Variants in EYA3 observed in about 807,000 individuals in gnomAD.
EYA3 encodes the protein protein phosphatase EYA3.
A neutral mutation model predicts 80.0 loss-of-function variants in EYA3; 39 were observed. The ratio of observed to expected loss-of-function variants is 0.49; its 90% CI spans 0.38 to 0.64. The LOEUF (loss-of-function observed/expected upper bound fraction) is 0.64. Ranked by LOEUF, EYA3 falls within the 30% of genes least tolerant of loss-of-function variation. EYA3 has a pLI of 0.00. For missense variants in EYA3, 523 were observed against 676.1 expected (o/e 0.77, Z 2.51); for synonymous variants, 206 against 232.8 (o/e 0.88, Z 1.05).
At chr1:28,085,183 G>A (rs1239068753) in intron 1 of EYA3, among the ~76,000 whole-genome samples, 1 of 152,118 alleles carries the variant, frequency 6.6e-6, no homozygotes, top group African/African-American at 2.4e-5. Context: ...GTGGGTGGTG[G>A]CTCACACCTT....
intron 1 of EYA3, among the ~76,000 whole-genome samples, chr1:28,064,160 TTTAG>T (rs1416795148): frequency 1.3e-5 from 2 of 152,178 alleles, no homozygotes; most frequent in East Asian, 3.8e-4. Flanking sequence ...TGCATTTATT[TTTAG>T]TTATACATTT....
At chr1:28,078,695 C>G (rs113634688) in intron 1 of EYA3, among the ~76,000 whole-genome samples, 351 of 152,266 alleles carry the variant, frequency 2.3e-3, no homozygotes, top group African/African-American at 5.9e-3. Flanking sequence ...TAGGCATGCA[C>G]CACCATGCCC....
intron 6 of EYA3, among the ~76,000 whole-genome samples, chr1:28,032,811 G>A (rs1643224385): frequency 1.3e-5 from 2 of 152,118 alleles, no homozygotes; most frequent in African/African-American, 2.4e-5. Flanking sequence ...AGAGGAGGAA[G>A]CTTTTTAATT....
At chr1:28,019,794 C>A (rs1345941641) in intron 7 of EYA3, among the ~76,000 whole-genome samples, 2 of 152,174 alleles carry the variant, frequency 1.3e-5, no homozygotes, top group South Asian at 4.2e-4. Flanking sequence ...CTCCGCCTCC[C>A]GGGTTCAAGA....
chr1:28,051,840 C>T (rs1644262252), intron 2 of EYA3, among the ~76,000 whole-genome samples: 1 of 151,958 alleles, frequency 6.6e-6, no homozygotes, highest in Admixed American at 6.6e-5. Flanking sequence ...GTAATACTCC[C>T]CAAATTGGTC....
At chr1:28,040,230 T>A (rs1557604044) in intron 4 of EYA3, among the ~76,000 whole-genome samples, 2 of 152,160 alleles carry the variant, frequency 1.3e-5, no homozygotes, top group Non-Finnish European at 2.9e-5. Flanking sequence ...ATTCTGAAGG[T>A]AAAACTAACA....
chr1:28,015,815 C>A (rs753405406), intron 8 of EYA3, among the ~76,000 whole-genome samples: 2 of 152,054 alleles, frequency 1.3e-5, no homozygotes, highest in Non-Finnish European at 2.9e-5. Flanking sequence ...TGGAAGATAT[C>A]TGGTCTGGTT....
chr1:28,033,668 TA>T (rs34617430), intron 6 of EYA3, among the ~76,000 whole-genome samples: 1,805 of 149,078 alleles, frequency 0.012, 36 homozygotes, highest in Middle Eastern at 0.045. Context: ...TTATTATTAT[TA>T]TTTTTGAGAC....
Position 28,086,240 on chromosome 1 carries a change from G to C in EYA3, c.-69+2284C>G, listed in dbSNP as rs537760864. On this transcript the variant is annotated intron_variant, in intron 1 of 17. Coordinates refer to ENST00000373871, the MANE Select transcript of EYA3 (RefSeq NM_001990.4). ...TGTAATTTCTTTTTTTTTTTTAAGA[G>C]AGTCTCACTCTGTTGCCTTGTGGAG... is the stretch of plus-strand genomic sequence containing the variant. Among the ~76,000 whole-genome samples, 5 of 149,416 alleles carry C rather than the reference G, an allele frequency of 3.3e-5. No individual in the cohort carries two copies. The East Asian group carries it at 9.8e-4, about 29-fold the overall frequency.
intron 8 of EYA3, among the ~76,000 whole-genome samples, chr1:28,014,526 G>A (rs777977078): frequency 2.7e-5 from 4 of 148,840 alleles, no homozygotes; most frequent in Non-Finnish European, 5.9e-5. Flanking sequence ...TCAGGAGTTT[G>A]AGACCAGCCT....
intron 5 of EYA3, among the ~76,000 whole-genome samples, chr1:28,036,899 A>C (rs1643487359): frequency 6.6e-6 from 1 of 152,156 alleles, no homozygotes; most frequent in South Asian, 2.1e-4. Flanking sequence ...AAGGCCATAA[A>C]GAAGTGATAT....
chr1:28,085,566 A>C (rs1418844184), intron 1 of EYA3, among the ~76,000 whole-genome samples: 1 of 152,256 alleles, frequency 6.6e-6, no homozygotes, highest in Admixed American at 6.5e-5. Context: ...TTAGCAAATA[A>C]AATGACAAAA....
intron 1 of EYA3, among the ~76,000 whole-genome samples, chr1:28,078,412 G>C (rs966876847): frequency 1.3e-5 from 2 of 152,134 alleles, no homozygotes; most frequent in African/African-American, 4.8e-5. Flanking sequence ...CAAATATACA[G>C]AACTCATCAT....
chr1:28,074,794 A>G (rs1329113509), intron 1 of EYA3, among the ~76,000 whole-genome samples: 3 of 152,204 alleles, frequency 2.0e-5, no homozygotes, highest in African/African-American at 7.2e-5. Flanking sequence ...AACATTTTAA[A>G]TAAGGTAATG....
intron 1 of EYA3, among the ~76,000 whole-genome samples, chr1:28,084,079 G>C (rs1645527453): frequency 6.6e-6 from 1 of 152,084 alleles, no homozygotes. Flanking sequence ...TGACTGCCTT[G>C]GGCTGATCTG....
intron 1 of EYA3, among the ~76,000 whole-genome samples, chr1:28,080,137 A>G (rs1031148582): frequency 1.4e-5 from 2 of 144,986 alleles, no homozygotes; most frequent in African/African-American, 5.1e-5. Context: ...AGTTTGTTTT[A>G]AATTAAAAAC....
At position 27,974,193 on chromosome 1, in the gene EYA3, C is replaced by T. The variant is rs1027559894; in HGVS notation, c.*273G>A. On this transcript the variant is annotated 3_prime_UTR_variant, in exon 18 of 18. Transcript: ENST00000373871. Reference sequence around the variant, plus strand: ...TGGAGATGAACACGGGGCTGCAGCTCACTCTTAGCAAAAATTGCAGCTGTT... The same window carrying T: ...TGGAGATGAACACGGGGCTGCAGCTTACTCTTAGCAAAAATTGCAGCTGTT... 5.9e-5 allele frequency: 15 copies of T among 254,152 alleles called. No individual in the cohort carries two copies. Among genetic ancestry groups the T allele is most frequent in the Non-Finnish European group, 8.5e-5 (11 of 129,564 alleles). 15.7% of individuals were successfully genotyped at this position (254,152 alleles called of 1,614,324 possible). A position where few individuals can be genotyped will look rare whatever the true frequency, so the allele number is the denominator to read the frequency against.
chr1:28,036,869 G>A (rs74905096), intron 5 of EYA3, among the ~76,000 whole-genome samples: 1 of 152,058 alleles, frequency 6.6e-6, no homozygotes, highest in Admixed American at 6.5e-5. Flanking sequence ...TTCACCTTTG[G>A]GGGAAGAGGA....
At chr1:28,022,979 C>T in intron 7 of EYA3, among the ~76,000 whole-genome samples, 1 of 151,468 alleles carries the variant, frequency 6.6e-6, no homozygotes, top group Non-Finnish European at 1.5e-5. Flanking sequence ...ATAAAAGGAA[C>T]CAGGATTCCT....
Sources: allele counts gnomAD v4.1 joint callset (sites outside exome capture counted in the v4.1 genomes callset), GRCh38; gene constraint gnomAD v4.1.1; transcripts MANE v1.5; gene names NCBI Gene and HGNC (gene_info 2026-07-23, HGNC 2026-07-21).